The following ZNF438 variants were observed in gnomAD, a reference collection of about 807,000 sequenced individuals.
ZNF438 encodes the protein zinc finger protein 438.
A neutral mutation model predicts 38.0 loss-of-function variants in ZNF438; 25 were observed. The observed-to-expected ratio is 0.66, with a 90% CI of 0.48 to 0.92. The LOEUF (loss-of-function observed/expected upper bound fraction) is 0.92, where lower values mean the gene tolerates loss of function less well. ZNF438 is among the 40% of genes least tolerant of loss of function. The probability of loss-of-function intolerance (pLI) is 0.00; values close to 1 mark genes in which losing one functional copy is unlikely to be tolerated. For missense variants in ZNF438, 1,007 were observed against 999.6 expected, an observed-to-expected ratio of 1.01 and a Z score of -0.10; for synonymous variants, 372 against 364.1, an observed-to-expected ratio of 1.02 and a Z score of -0.25.
chr10:30,855,907 G>A (rs1472871580), intron 4 of ZNF438, among the ~76,000 whole-genome samples: 1 of 152,220 alleles, frequency 6.6e-6, no homozygotes, highest in Non-Finnish European at 1.5e-5. Flanking sequence ...GGGACCTGGA[G>A]GAACTAAGAA....
At position 30,845,122 on chromosome 10, in the gene ZNF438, A is replaced by C. The variant is rs1446889625; in HGVS notation, c.2326T>G (p.Phe776Val). ...ATCTCTGCACAAAGCAGGCAGTTAAAGCCTGAATGGGACCACAAGAGAAAC... is the reference window on the plus strand; with the variant it reads ...ATCTCTGCACAAAGCAGGCAGTTAACGCCTGAATGGGACCACAAGAGAAAC... Residue 776 changes from phenylalanine to valine, a missense_variant, in exon 6 of 6, where the codon TTT becomes GTT. Coordinates refer to ENST00000413025, the Ensembl canonical transcript of ZNF438. The C allele has an allele frequency of 3.1e-6, 5 of 1,614,058 alleles. No homozygotes were observed. The East Asian group carries it at 8.9e-5, about 29-fold the overall frequency.
At chr10:30,936,409 A>G (rs1469354317) in intron 2 of ZNF438, among the ~76,000 whole-genome samples, 2 of 151,830 alleles carry the variant, frequency 1.3e-5, no homozygotes, top group South Asian at 4.2e-4. Flanking sequence ...CATGGTGGCT[A>G]ATGCCTGTAA....
intron 1 of ZNF438, among the ~76,000 whole-genome samples, chr10:30,975,576 T>A (rs111555004): frequency 0.017 from 2,565 of 152,306 alleles, 63 homozygotes; most frequent in African/African-American, 0.059. Context: ...ACCTTAGACT[T>A]TGCTACAGAA....
intron 2 of ZNF438, among the ~76,000 whole-genome samples, chr10:30,911,961 C>T (rs2043123966): frequency 6.6e-6 from 1 of 152,126 alleles, no homozygotes; most frequent in African/African-American, 2.4e-5. Flanking sequence ...CTCCCATTTT[C>T]CCAACAACAT....
intron 1 of ZNF438, among the ~76,000 whole-genome samples, chr10:31,028,550 TTGCCCTTTTCA>T (rs939769828): frequency 5.3e-5 from 8 of 152,194 alleles, no homozygotes; most frequent in Non-Finnish European, 1.0e-4. Flanking sequence ...TTTTGCCCCT[TTGCCCTTTTCA>T]TGCCCCATCT....
intron 1 of ZNF438, among the ~76,000 whole-genome samples, chr10:30,959,703 G>C (rs1295021736): frequency 6.8e-6 from 1 of 146,168 alleles, no homozygotes; most frequent in Admixed American, 6.9e-5. Flanking sequence ...AGCCGAGATC[G>C]CACCACTGCA....
chr10:30,886,792 T>G (rs2040003721), intron 3 of ZNF438, among the ~76,000 whole-genome samples: 2 of 152,220 alleles, frequency 1.3e-5, no homozygotes. Context: ...TGTTGGTCCA[T>G]TTCATTAACT....
chr10:30,944,079 G>C (rs552425234), intron 1 of ZNF438, among the ~76,000 whole-genome samples: 85 of 152,254 alleles, frequency 5.6e-4, no homozygotes, highest in African/African-American at 1.9e-3. Flanking sequence ...ACGACTGCTT[G>C]GAAAAAGAGA....
intron 4 of ZNF438, among the ~76,000 whole-genome samples, chr10:30,872,882 C>A (rs1453469031): frequency 6.6e-6 from 1 of 152,104 alleles, no homozygotes; most frequent in Non-Finnish European, 1.5e-5. Flanking sequence ...TTCATTCTGA[C>A]TACCCAAGAT....
intron 2 of ZNF438, among the ~76,000 whole-genome samples, chr10:30,935,455 G>T (rs924175131): frequency 6.6e-6 from 1 of 152,120 alleles, no homozygotes; most frequent in Non-Finnish European, 1.5e-5. Flanking sequence ...AAGCAAGAGG[G>T]GAGGAGGTGC....
intron 4 of ZNF438, among the ~76,000 whole-genome samples, chr10:30,872,057 C>G (rs1462187264): frequency 6.6e-6 from 1 of 152,104 alleles, no homozygotes; most frequent in Non-Finnish European, 1.5e-5. Flanking sequence ...GAAGACTTGT[C>G]TAGGAAATGG....
At chr10:30,914,629 A>T (rs1382376079) in intron 2 of ZNF438, among the ~76,000 whole-genome samples, 1 of 152,060 alleles carries the variant, frequency 6.6e-6, no homozygotes, top group Non-Finnish European at 1.5e-5. Flanking sequence ...GTGTCATTAA[A>T]AAACAGCTTT....
intron 1 of ZNF438, among the ~76,000 whole-genome samples, chr10:31,028,070 T>C (rs953440317): frequency 6.6e-6 from 1 of 152,100 alleles, no homozygotes; most frequent in African/African-American, 2.4e-5. Context: ...TGTTCTACAA[T>C]GATCCAGCTA....
chr10:30,953,605 G>A (rs376566377), intron 1 of ZNF438, among the ~76,000 whole-genome samples: 3 of 150,434 alleles, frequency 2.0e-5, no homozygotes, highest in South Asian at 2.1e-4. Flanking sequence ...CCTGCACAAC[G>A]TGCACATGTA....
chr10:30,948,135 G>A (rs2047675564), intron 1 of ZNF438, among the ~76,000 whole-genome samples: 1 of 152,030 alleles, frequency 6.6e-6, no homozygotes, highest in Non-Finnish European at 1.5e-5. Context: ...CCCAGCAGGG[G>A]CACACCGACA....
At chr10:31,032,353 C>A (rs573854500), upstream of ZNF438, among the ~76,000 whole-genome samples, 4 of 152,182 alleles carry the variant, frequency 2.6e-5, no homozygotes, top group African/African-American at 9.7e-5. Context: ...GAAAAGACAG[C>A]TCTCCCAGGG....
At chr10:30,948,423 A>C (rs1246044990) in intron 1 of ZNF438, among the ~76,000 whole-genome samples, 1 of 152,188 alleles carries the variant, frequency 6.6e-6, no homozygotes, top group African/African-American at 2.4e-5. Flanking sequence ...GAGCTGAGAG[A>C]AGAAGGCTTC....
In ZNF438 at chr10:31,019,721, A is replaced by G. The variant is rs539700789; in HGVS notation, c.-192+12112T>C. Among the ~76,000 whole-genome samples the G allele has an allele frequency of 6.6e-5, 10 of 152,362 alleles. No homozygotes were observed. The East Asian group carries it at 1.9e-3, about 29-fold the overall frequency. ...ATGCCCCACTGAATCTTAATTTCAG[A>G]TAAATAATTGTTGTTTTTTGTAGAA... On this transcript the variant is annotated intron_variant, in intron 1 of 5. Transcript: ENST00000413025.
At chr10:30,947,807 C>A (rs1554872889) in intron 1 of ZNF438, among the ~76,000 whole-genome samples, 1 of 152,216 alleles carries the variant, frequency 6.6e-6, no homozygotes, top group Non-Finnish European at 1.5e-5. Flanking sequence ...ATCTGTCACC[C>A]CTTTCTTTGA....
Sources: allele counts gnomAD v4.1 joint callset (sites outside exome capture counted in the v4.1 genomes callset), GRCh38; gene constraint gnomAD v4.1.1; transcripts MANE v1.5; gene names NCBI Gene and HGNC (gene_info 2026-07-23, HGNC 2026-07-21).